Variants in PNPLA2 observed in about 807,000 individuals in gnomAD.
PNPLA2 encodes patatin like domain 2, triacylglycerol lipase.
Under a neutral mutation model 39.7 loss-of-function variants are expected in PNPLA2, and 28 were observed. That is an observed-to-expected ratio of 0.70 (90% CI 0.52 to 0.97). The LOEUF is 0.97. Among genes scored for constraint, PNPLA2 ranks in the 50% least tolerant of loss-of-function variants. PNPLA2 has a pLI of 0.00. For missense variants in PNPLA2, 768 were observed against 698.2 expected (o/e 1.10, Z -1.13); for synonymous variants, 392 against 321.1 (o/e 1.22, Z -2.36).
chr11:823,829 A>G lies in PNPLA2; in HGVS notation c.893A>G (p.Glu298Gly), dbSNP rs1845764078. 1 of 1,595,286 alleles carries G rather than the reference A, an allele frequency of 6.3e-7. No individual in the cohort carries two copies. The highest frequency in any genetic ancestry group is 8.5e-7 in the Non-Finnish European group (1 of 1,171,936). ...SQLPGEDHIL[E>G]HLPARLNEAL... Reference sequence around the variant, plus strand: ...CTGCCCGGAGAAGATCACATCCTGGAGCACCTGCCCGCCCGGCTCAATGAG... The same window carrying G: ...CTGCCCGGAGAAGATCACATCCTGGGGCACCTGCCCGCCCGGCTCAATGAG... The change falls in exon 7 of 10, where the codon GAG (glutamate) becomes GGG (glycine). Residue 298 changes from glutamate to glycine, a missense_variant. Physicochemically the swap from Glu to Gly is moderately conservative, Grantham distance 98 (BLOSUM62 -2). Coordinates refer to ENST00000336615, the MANE Select transcript of PNPLA2 (RefSeq NM_020376.4).
rs1002080938 is a variant in PNPLA2, at chr11:819,564, G to A, written c.-145-10G>A. 10 of 1,288,586 alleles carry A rather than the reference G, an allele frequency of 7.8e-6. 1 individual carries two copies. The highest frequency in any genetic ancestry group is 4.3e-5 in the South Asian group (2 of 45,980). 79.8% of individuals were successfully genotyped at this position (1,288,586 alleles called of 1,614,324 possible). A position where few individuals can be genotyped will look rare whatever the true frequency, so the allele number is the denominator to read the frequency against. On this transcript the variant is annotated splice_polypyrimidine_tract_variant and intron_variant, in intron 1 of 9. Coordinates refer to ENST00000336615, the MANE Select transcript of PNPLA2 (RefSeq NM_020376.4). Reference sequence around the variant, plus strand: ...CACTTAAAAGCGCCGCCTCCGCGCCGCCCGCGTAGCTTCTTCGCCTCCGCC... The same window carrying A: ...CACTTAAAAGCGCCGCCTCCGCGCCACCCGCGTAGCTTCTTCGCCTCCGCC...
intron 5 of PNPLA2, 85 bp from the exon 6 acceptor site, chr11:823,442 G>T: frequency 8.1e-7 from 1 of 1,231,912 alleles, no homozygotes; most frequent in Admixed American, 2.0e-5. Context: ...AGTGAAGGGA[G>T]GTGGCTGTTG....
At chr11:823,623 TC>T (rs1845746198) in intron 6 of PNPLA2, 36 bp downstream of exon 6, 2 of 1,603,264 alleles carry the variant, frequency 1.2e-6, no homozygotes, top group Non-Finnish European at 1.7e-6. Flanking sequence ...CGGGGTGGGC[TC>T]GGCTCTGCTA....
chr11:824,679 G>C lies in PNPLA2; in HGVS notation c.1332G>C (p.Leu444=). The C allele has an allele frequency of 2.5e-6, 4 of 1,596,688 alleles. No homozygotes were observed. Among genetic ancestry groups the C allele is most frequent in the East Asian group, 2.2e-5 (1 of 44,622 alleles). The part of the protein sequence containing the change: ...AKWEECQRQL[L]LGLFCTNVAF... ...GGGAGGAGTGCCAGCGCCAGCTGCT[G>C]CTCGGCCTCTTCTGCACCAACGTGG... is the stretch of plus-strand genomic sequence containing the variant. The change falls in exon 10 of 10, where the codon CTG becomes CTC. Residue 444 remains leucine, a synonymous_variant. Transcript: ENST00000336615.
Position 821,843 on chromosome 11 carries a change from A to C in PNPLA2, c.403A>C (p.Lys135Gln). Residue 135 changes from lysine to glutamine, a missense_variant, in exon 3 of 10, where the codon AAG (lysine) becomes CAG (glutamine). By Grantham distance (53) the Lys-to-Gln change is moderately conservative. Coordinates refer to ENST00000336615, the MANE Select transcript of PNPLA2 (RefSeq NM_020376.4). ...ENVIISHFNS[K>Q]DELIQANVCS... ...TGTCATTATATCCCACTTCAACTCC[A>C]AGGACGAGCTCATCCAGGTGGGGCC... is the stretch of plus-strand genomic sequence containing the variant. 1 of 1,613,742 alleles carries C rather than the reference A, an allele frequency of 6.2e-7. No homozygotes were observed. Among genetic ancestry groups the C allele is most frequent in the Non-Finnish European group, 8.5e-7 (1 of 1,179,902 alleles).
rs200940177 is a variant in PNPLA2, at chr11:822,810, G to GTCTC, written c.696+212_696+215dup. 1.4e-3 allele frequency among the ~76,000 whole-genome samples: 205 copies of GTCTC among 143,404 alleles called. 1 individual carries two copies. The highest frequency in any genetic ancestry group is 3.6e-3 in the Middle Eastern group (1 of 280). The allele number at this position is 143,404 out of a possible 152,430, so 94.1% of individuals were successfully genotyped here. ...CTGCTCTGTCCAGGCTCCCTGTCCAGTCTCTCTCTCTTTTTTTTTTTTTTT... is the reference window on the plus strand; with the variant it reads ...CTGCTCTGTCCAGGCTCCCTGTCCAGTCTCTCTCTCTCTCTTTTTTTTTTTTTTT... On this transcript the variant is annotated intron_variant, in intron 5 of 9. Coordinates refer to ENST00000336615, the MANE Select transcript of PNPLA2 (RefSeq NM_020376.4).
chr11:821,700 C>T lies in PNPLA2; in HGVS notation c.260C>T (p.Ser87Phe), dbSNP rs1400446569. Residue 87 changes from serine (S) to phenylalanine (F), a missense_variant, in exon 3 of 10, where the codon TCC becomes TTC. Transcript: ENST00000336615. ...CGGTTCCTGGGCCCCCTGCACCCCT[C>T]CTTCAACCTGGTAAAGATCATCCGC... ...RKRFLGPLHPSFNLVKIIRSF... is the reference protein window; with the variant it reads ...RKRFLGPLHPFFNLVKIIRSF... 1.9e-6 allele frequency: 3 copies of T among 1,613,864 alleles called. No homozygotes were observed. Among genetic ancestry groups the T allele is most frequent in the Admixed American group, 1.7e-5 (1 of 60,010 alleles).
At chr11:820,147 G>C (rs1338360625) in intron 2 of PNPLA2, among the ~76,000 whole-genome samples, 1 of 152,242 alleles carries the variant, frequency 6.6e-6, no homozygotes, top group Non-Finnish European at 1.5e-5. Flanking sequence ...GTTTGGGGGC[G>C]GGCAGGTGCA....
Position 823,581 on chromosome 11 carries a change from C to T in PNPLA2, c.751C>T (p.Arg251Trp), listed in dbSNP as rs1419982477. Residue 251 changes from arginine (R) to tryptophan (W), a missense_variant, in exon 6 of 10, where the codon CGG (arginine) becomes TGG (tryptophan). Arg to Trp is a moderately radical substitution (Grantham distance 101). Transcript: ENST00000336615. ...GYRDGLRFLQ[R>W]NGLLNRPNPL... ...CCGGGATGGCCTGCGCTTTCTGCAG[C>T]GGAACGGTGCGCGGACCCGGGCGGG... The T allele has an allele frequency of 6.3e-7, 1 of 1,585,714 alleles. No individual in the cohort carries two copies.
At chr11:822,051 C>T (rs1193098113) in intron 4 of PNPLA2, 28 bp downstream of exon 4, 1 of 1,603,144 alleles carries the variant, frequency 6.2e-7, no homozygotes, top group South Asian at 1.1e-5. Flanking sequence ...TGGACACCTT[C>T]TATGGGGTGG....
At position 824,776 on chromosome 11, in the gene PNPLA2, C is replaced by T. The variant is rs764557634; in HGVS notation, c.1429C>T (p.Pro477Ser). ...TCCCGCCCCCGCGGACCCAGCATCC[C>T]CGCAGCACCAGCTGGCCGGGCCTGC... ...PAPAPADPAS[P>S]QHQLAGPAPL... Residue 477 changes from proline (P) to serine (S), a missense_variant, in exon 10 of 10, where the codon CCG becomes TCG. Coordinates refer to ENST00000336615, the MANE Select transcript of PNPLA2 (RefSeq NM_020376.4). The T allele has an allele frequency of 2.6e-6, 4 of 1,543,442 alleles. No individual in the cohort carries two copies. Among genetic ancestry groups the T allele is most frequent in the East Asian group, 2.4e-5 (1 of 41,464 alleles).
intron 6 of PNPLA2, 47 bp downstream of exon 6, chr11:823,634 AC>A (rs778115212): frequency 6.9e-6 from 11 of 1,600,472 alleles, no homozygotes; most frequent in Non-Finnish European, 8.5e-7. Flanking sequence ...CGGCTCTGCT[AC>A]CCCCTGCGGG....
Position 822,744 on chromosome 11 carries a change from C to T in PNPLA2, c.696+138C>T, listed in dbSNP as rs546977257. The T allele has an allele frequency of 1.4e-5, 10 of 733,026 alleles. No individual in the cohort carries two copies. The South Asian group carries it at 1.5e-4, about 11-fold the overall frequency. 45.4% of individuals were successfully genotyped at this position (733,026 alleles called of 1,614,324 possible). A position where few individuals can be genotyped will look rare whatever the true frequency, so the allele number is the denominator to read the frequency against. On this transcript the variant is annotated intron_variant, in intron 5 of 9. Coordinates refer to ENST00000336615, the MANE Select transcript of PNPLA2 (RefSeq NM_020376.4). Reference sequence around the variant, plus strand: ...TCTGAGGGCTGGGGAAAGCGCACAACCTTTCTAGGGGCAGATGGCCCATCC... The same window carrying T: ...TCTGAGGGCTGGGGAAAGCGCACAATCTTTCTAGGGGCAGATGGCCCATCC...
At chr11:821,456 G>A in intron 2 of PNPLA2, 172 bp from the exon 3 acceptor site, 1 of 647,520 alleles carries the variant, frequency 1.5e-6, no homozygotes, top group South Asian at 1.7e-5. Flanking sequence ...AGCCTCTGCT[G>A]TCTGCCATCC....
At position 822,425 on chromosome 11, in the gene PNPLA2, A is replaced by G. The variant is rs750852652; in HGVS notation, c.515A>G (p.Asn172Ser). ...VRYVDGGISD[N>S]LPLYELKNTI... Reference sequence around the variant, plus strand: ...TACGTGGATGGTGGCATTTCAGACAACCTGCCACTCTATGAGCTTAAGAAC... The same window carrying G: ...TACGTGGATGGTGGCATTTCAGACAGCCTGCCACTCTATGAGCTTAAGAAC... Residue 172 changes from asparagine (N) to serine (S), a missense_variant, in exon 5 of 10, where the codon AAC becomes AGC. Physicochemically the swap from Asn to Ser is conservative, Grantham distance 46. Coordinates refer to ENST00000336615, the MANE Select transcript of PNPLA2 (RefSeq NM_020376.4). 1 of 1,613,012 alleles carries G rather than the reference A, an allele frequency of 6.2e-7. No homozygotes were observed. Among genetic ancestry groups the G allele is most frequent in the Non-Finnish European group, 8.5e-7 (1 of 1,179,840 alleles).
Position 825,027 on chromosome 11 carries a change from G to C in PNPLA2, c.*165G>C, listed in dbSNP as rs1162116348. The C allele has an allele frequency of 4.4e-6, 3 of 685,774 alleles. No individual in the cohort carries two copies. The highest frequency in any genetic ancestry group is 7.8e-6 in the Non-Finnish European group (3 of 384,940). The allele number at this position is 685,774 out of a possible 1,614,324, so 42.5% of individuals were successfully genotyped here. ...GGGGAGGTTTCCACACCCCTCCCCT[G>C]GGCCGCTGAGGCCCCGCGCACCTGT... On this transcript the variant is annotated 3_prime_UTR_variant, in exon 10 of 10. Transcript: ENST00000336615.
Position 821,642 on chromosome 11 carries a change from A to T in PNPLA2, c.202A>T (p.Lys68Ter), listed in dbSNP as rs1228237852. Residue 68 changes from lysine to a stop codon, truncating the protein, a stop_gained, in exon 3 of 10, where the codon AAG becomes TAG. Coordinates refer to ENST00000336615, the MANE Select transcript of PNPLA2 (RefSeq NM_020376.4). LOFTEE classifies it high-confidence loss of function. ...TGVCLGEAGA[K>*]FIEVSKEARK... ...CTGTGCCCCAGGTGAGGCTGGTGCC[A>T]AGTTCATTGAGGTATCTAAAGAGGC... 6.2e-7 allele frequency: 1 copy of T among 1,613,472 alleles called. No individual in the cohort carries two copies. The highest frequency in any genetic ancestry group is 8.5e-7 in the Non-Finnish European group (1 of 1,179,852).
chr11:824,611 T>C lies in PNPLA2; in HGVS notation c.1264T>C (p.Trp422Arg), dbSNP rs910404539. Residue 422 changes from tryptophan to arginine, a missense_variant, in exon 10 of 10, where the codon TGG (tryptophan) becomes CGG (arginine). Coordinates refer to ENST00000336615, the MANE Select transcript of PNPLA2 (RefSeq NM_020376.4). ...CGCCTACAGAGAGGCACTGCCCGGCTGGATGCGCAACAACCTCTCGCTGGG... is the reference window on the plus strand; with the variant it reads ...CGCCTACAGAGAGGCACTGCCCGGCCGGATGCGCAACAACCTCTCGCTGGG... ...CAAYREALPG[W>R]MRNNLSLGDA... 6 of 1,593,428 alleles carry C rather than the reference T, an allele frequency of 3.8e-6. No individual in the cohort carries two copies. Among genetic ancestry groups the C allele is most frequent in the Non-Finnish European group, 5.1e-6 (6 of 1,174,864 alleles).
intron 1 of PNPLA2, among the ~76,000 whole-genome samples, 200 bp downstream of exon 1, chr11:819,158 G>C (rs935712358): frequency 1.3e-5 from 2 of 152,244 alleles, no homozygotes; most frequent in African/African-American, 4.8e-5. Context: ...CGGCTTTCAG[G>C]TCTGGGGGTG....
Sources: gnomAD v4.1 joint callset for allele counts (sites outside exome capture counted in the v4.1 genomes callset) on GRCh38, gnomAD v4.1.1 for gene constraint, MANE v1.5 for transcripts, NCBI Gene and HGNC (gene_info 2026-07-23, HGNC 2026-07-21) for gene names.